ANXA8: variants seen among roughly 807,000 people sequenced by gnomAD.
ANXA8 encodes the protein VAC-beta.
ANXA8 carries 9 observed loss-of-function variants against 26.8 expected under a neutral mutation model. That is an observed-to-expected ratio of 0.34 (90% CI 0.20 to 0.59). The LOEUF (loss-of-function observed/expected upper bound fraction) is 0.59, where lower values mean the gene tolerates loss of function less well. Among genes scored for constraint, ANXA8 ranks in the 20% least tolerant of loss-of-function variants. The probability of loss-of-function intolerance (pLI) is 0.84; values close to 1 mark genes in which losing one functional copy is unlikely to be tolerated. For missense variants in ANXA8, 83 were observed against 238.5 expected, an observed-to-expected ratio of 0.35 and a Z score of 4.29; for synonymous variants, 39 against 94.8, an observed-to-expected ratio of 0.41 and a Z score of 3.42.
chr10:47,526,051 A>C, the ANXA8 span, among the ~76,000 whole-genome samples: 2 of 136,984 alleles, frequency 1.5e-5, 1 homozygote, highest in Admixed American at 1.5e-4. Context: ...GGACTACAGG[A>C]ATGAGCCATC....
chr10:47,617,875 AT>A, the ANXA8 span, among the ~76,000 whole-genome samples: 3 of 140,790 alleles, frequency 2.1e-5, no homozygotes, highest in Non-Finnish European at 4.6e-5. Flanking sequence ...ATATGAACAG[AT>A]TTATCCTTAG....
chr10:47,693,147 T>C, the ANXA8 span, among the ~76,000 whole-genome samples: 3 of 151,682 alleles, frequency 2.0e-5, no homozygotes, highest in East Asian at 1.9e-4. Context: ...TAATAAAATA[T>C]CTAAAGAAAG....
chr10:47,939,319 A>T, the ANXA8 span, among the ~76,000 whole-genome samples: 1 of 140,042 alleles, frequency 7.1e-6, no homozygotes, highest in African/African-American at 2.9e-5. Context: ...AAAAAAAAAA[A>T]AAAAGCACAA....
At chr10:47,973,666 G>A in the ANXA8 span, among the ~76,000 whole-genome samples, 3 of 150,746 alleles carry the variant, frequency 2.0e-5, no homozygotes, top group South Asian at 6.3e-4. Flanking sequence ...ATCTCACCTA[G>A]TCTTGGAGGT....
At chr10:47,469,344 G>A (rs1839237069) in intron 11 of ANXA8, among the ~76,000 whole-genome samples, 1 of 151,966 alleles carries the variant, frequency 6.6e-6, no homozygotes, top group South Asian at 2.1e-4. Flanking sequence ...GGTGGAGGGA[G>A]CCTGGACCAT....
the ANXA8 span, among the ~76,000 whole-genome samples, chr10:47,636,831 TCA>T: frequency 6.6e-6 from 1 of 151,462 alleles, no homozygotes; most frequent in Non-Finnish European, 1.5e-5. Flanking sequence ...GTTTGGTTAT[TCA>T]CAGATAGGCC....
the ANXA8 span, among the ~76,000 whole-genome samples, chr10:47,603,495 G>T: frequency 6.8e-6 from 1 of 146,538 alleles, no homozygotes; most frequent in Non-Finnish European, 1.5e-5. Context: ...TTTCATTCAC[G>T]TTAGCATATA....
chr10:47,766,017 C>T, the ANXA8 span, among the ~76,000 whole-genome samples: 2 of 150,922 alleles, frequency 1.3e-5, no homozygotes, highest in African/African-American at 4.9e-5. Flanking sequence ...TCCCCTCGTC[C>T]TCATGGTCCT....
upstream of ANXA8, chr10:47,487,508 G>T: frequency 1.9e-6 from 1 of 520,128 alleles, no homozygotes; most frequent in Non-Finnish European, 3.3e-6. Context: ...TTAGTCTCTG[G>T]AGTGGCCCGA....
At chr10:47,486,023 G>T (rs1403395312), upstream of ANXA8, among the ~76,000 whole-genome samples, 5 of 151,580 alleles carry the variant, frequency 3.3e-5, no homozygotes, top group Non-Finnish European at 5.9e-5. Flanking sequence ...CAGGAGAATT[G>T]TTTGAACCCA....
chr10:47,709,987 C>G, the ANXA8 span, among the ~76,000 whole-genome samples: 1 of 100,876 alleles, frequency 9.9e-6, no homozygotes, highest in Non-Finnish European at 1.9e-5. Flanking sequence ...GGGAACAGCA[C>G]AAGTTTTTTG....
chr10:47,501,446 AC>A, the ANXA8 span, among the ~76,000 whole-genome samples: 1 of 137,624 alleles, frequency 7.3e-6, no homozygotes, highest in Non-Finnish European at 1.6e-5. Flanking sequence ...ACGGTGGCTC[AC>A]CCCCATAATC....
chr10:47,646,079 CTG>C, the ANXA8 span, among the ~76,000 whole-genome samples: 1 of 149,520 alleles, frequency 6.7e-6, no homozygotes, highest in South Asian at 2.1e-4. Flanking sequence ...GTAAAAGTAT[CTG>C]TATCTCTGTG....
the ANXA8 span, among the ~76,000 whole-genome samples, chr10:47,721,106 C>A: frequency 2.8e-5 from 4 of 141,530 alleles, 1 homozygote; most frequent in Non-Finnish European, 6.2e-5. Context: ...TATGTTTGCA[C>A]CACTGCACTC....
chr10:47,698,201 G>A, the ANXA8 span, among the ~76,000 whole-genome samples: 1 of 148,224 alleles, frequency 6.7e-6, no homozygotes, highest in Non-Finnish European at 1.5e-5. Flanking sequence ...GGCATGTTAA[G>A]TTTTAGATAT....
the ANXA8 span, among the ~76,000 whole-genome samples, chr10:47,948,806 G>A: frequency 6.6e-6 from 1 of 151,696 alleles, no homozygotes; most frequent in South Asian, 2.1e-4. Context: ...ACTATGCAAG[G>A]TAAAACATAA....
At chr10:47,703,853 T>C in the ANXA8 span, among the ~76,000 whole-genome samples, 5 of 147,576 alleles carry the variant, frequency 3.4e-5, no homozygotes, top group African/African-American at 1.2e-4. Context: ...AATTCTTTGA[T>C]ATTATCCATT....
the ANXA8 span, among the ~76,000 whole-genome samples, chr10:47,664,285 G>C: frequency 6.6e-6 from 1 of 152,096 alleles, no homozygotes; most frequent in Non-Finnish European, 1.5e-5. Context: ...GGCTGAGGCA[G>C]GAGAATTGCT....
chr10:47,658,156 T>G, the ANXA8 span, among the ~76,000 whole-genome samples: 1 of 151,780 alleles, frequency 6.6e-6, no homozygotes, highest in African/African-American at 2.4e-5. Context: ...GATCACGAGA[T>G]CAAGAGATCG....
Sources: gnomAD v4.1 joint callset for allele counts (sites outside exome capture counted in the v4.1 genomes callset) on GRCh38, gnomAD v4.1.1 for gene constraint, MANE v1.5 for transcripts, NCBI Gene and HGNC (gene_info 2026-07-23, HGNC 2026-07-21) for gene names.